STK3: variants seen among roughly 807,000 people sequenced by gnomAD.
STK3 encodes the protein serine/threonine-protein kinase 3.
STK3 carries 41 observed loss-of-function variants against 58.0 expected under a neutral mutation model. The observed-to-expected ratio is 0.71, with a 90% confidence interval of 0.55 to 0.92. The LOEUF is 0.92. STK3 is among the 40% of genes least tolerant of loss of function. The pLI is 0.00. For synonymous variants in STK3, 170 were observed against 191.0 expected (o/e 0.89, Z 0.91); for missense variants, 479 against 602.7 (o/e 0.79, Z 2.15).
intron 6 of STK3, among the ~76,000 whole-genome samples, chr8:98,603,025 G>T (rs985074310): frequency 2.0e-5 from 3 of 152,066 alleles, no homozygotes; most frequent in Non-Finnish European, 2.9e-5. Flanking sequence ...TTGAGGAAAT[G>T]ACTAATTTCA....
intron 3 of STK3, among the ~76,000 whole-genome samples, chr8:98,755,623 A>G (rs1830240489): frequency 6.6e-6 from 1 of 152,236 alleles, no homozygotes; most frequent in African/African-American, 2.4e-5. Flanking sequence ...AGATTGGAAA[A>G]GAAAGAAATG....
intron 1 of STK3, among the ~76,000 whole-genome samples, chr8:98,916,710 T>C (rs1839359902): frequency 6.6e-6 from 1 of 152,216 alleles, no homozygotes; most frequent in African/African-American, 2.4e-5. Context: ...ATCACTGTTC[T>C]AGGCTCTGGG....
intron 3 of STK3, chr8:98,429,725 T>C: frequency 3.1e-6 from 1 of 318,818 alleles, no homozygotes; most frequent in Non-Finnish European, 6.1e-6. Flanking sequence ...TCGTGTACGC[T>C]ATTCTAGTGC....
At chr8:98,516,799 G>C (rs1034696158) in intron 10 of STK3, among the ~76,000 whole-genome samples, 1 of 152,018 alleles carries the variant, frequency 6.6e-6, no homozygotes, top group African/African-American at 2.4e-5. Flanking sequence ...GAACTCGCTA[G>C]TCGTTCCACT....
At chr8:98,650,977 T>C (rs916086907) in intron 6 of STK3, among the ~76,000 whole-genome samples, 6 of 152,248 alleles carry the variant, frequency 3.9e-5, no homozygotes, top group African/African-American at 1.4e-4. Context: ...TGAACAGCTT[T>C]GAAGACAGCA....
At position 98,863,577 on chromosome 8, in the gene STK3, TTC is replaced by T. The variant is rs1837013271; in HGVS notation, c.110+20068_110+20069del. ...TAATTAATAAAGTTGGTTATTATAT[TTC>T]TGTGTGGTTGATTAAAAAATAATAC... On this transcript the variant is annotated intron_variant, in intron 3 of 12. Transcript: ENST00000523601. Among the ~76,000 whole-genome samples, 3 of 152,200 alleles carry T rather than the reference TTC, an allele frequency of 2.0e-5. No homozygotes were observed. In the South Asian group the frequency reaches 6.2e-4, roughly 32 times the overall value.
At chr8:98,612,412 T>C (rs756292303) in intron 6 of STK3, among the ~76,000 whole-genome samples, 1 of 149,254 alleles carries the variant, frequency 6.7e-6, no homozygotes, top group African/African-American at 2.5e-5. Context: ...CACACACACA[T>C]ATGAATTCTA....
intron 3 of STK3, among the ~76,000 whole-genome samples, chr8:98,415,021 A>G (rs1331851195): frequency 6.6e-6 from 1 of 152,200 alleles, no homozygotes; most frequent in Admixed American, 6.5e-5. Flanking sequence ...ACAGGTGGGG[A>G]CTTTAGGAGG....
chr8:98,520,343 A>G (rs188159136), intron 10 of STK3, among the ~76,000 whole-genome samples: 31 of 152,282 alleles, frequency 2.0e-4, no homozygotes, highest in African/African-American at 7.5e-4. Context: ...ACATTCAGGA[A>G]CATAACATAA....
chr8:98,760,352 C>T (rs763074048), intron 3 of STK3, among the ~76,000 whole-genome samples: 1 of 152,114 alleles, frequency 6.6e-6, no homozygotes, highest in Non-Finnish European at 1.5e-5. Context: ...GTTATCCAGG[C>T]TGCTCTCAAA....
At chr8:98,527,809 C>T (rs1203887390) in intron 9 of STK3, among the ~76,000 whole-genome samples, 1 of 152,104 alleles carries the variant, frequency 6.6e-6, no homozygotes, top group African/African-American at 2.4e-5. Context: ...CTTCTCTAGC[C>T]CAGACTTTGC....
At chr8:98,793,612 T>C (rs778317732) in intron 1 of STK3, among the ~76,000 whole-genome samples, 4 of 152,164 alleles carry the variant, frequency 2.6e-5, no homozygotes, top group Non-Finnish European at 5.9e-5. Context: ...AACAGCCCAC[T>C]GACTAATGCA....
intron 1 of STK3, among the ~76,000 whole-genome samples, chr8:98,915,501 G>C (rs996706042): frequency 7.4e-6 from 1 of 135,934 alleles, no homozygotes; most frequent in African/African-American, 2.9e-5. Flanking sequence ...CTAATACAAT[G>C]GTTTTGAAGA....
At position 98,734,495 on chromosome 8, in the gene STK3, T is replaced by G. The variant is rs149247502; in HGVS notation, c.351+14781A>C. 1.7e-3 allele frequency among the ~76,000 whole-genome samples: 260 copies of G among 152,300 alleles called. 1 individual carries two copies. The highest frequency in any genetic ancestry group is 5.9e-3 in the African/African-American group (247 of 41,568). On this transcript the variant is annotated intron_variant, in intron 4 of 10. Transcript: ENST00000419617. ...AATGGGAAAGAATAACCTTAGGCAT[T>G]TTCTTAGAATGTTTTTAAGTATACA...
chr8:98,522,422 C>T (rs1825435369), intron 10 of STK3, among the ~76,000 whole-genome samples: 1 of 152,122 alleles, frequency 6.6e-6, no homozygotes, highest in African/African-American at 2.4e-5. Flanking sequence ...CTGTTCCTTC[C>T]ATCATGAGGT....
chr8:98,585,397 G>C (rs1814441125), intron 7 of STK3, among the ~76,000 whole-genome samples: 1 of 151,966 alleles, frequency 6.6e-6, no homozygotes, highest in Admixed American at 6.6e-5. Flanking sequence ...TCAAAGATCA[G>C]ATAGTTGTAG....
intron 9 of STK3, among the ~76,000 whole-genome samples, chr8:98,543,796 C>A (rs1172006283): frequency 2.0e-5 from 3 of 152,020 alleles, no homozygotes; most frequent in Non-Finnish European, 4.4e-5. Context: ...GTTGAGGGCC[C>A]AAATGGGGGA....
chr8:98,503,331 T>C (rs763942432), intron 10 of STK3, among the ~76,000 whole-genome samples: 78 of 152,190 alleles, frequency 5.1e-4, no homozygotes, highest in South Asian at 2.1e-4. Flanking sequence ...GTCTATTTTA[T>C]TGATCTTTTC....
At chr8:98,742,685 C>T (rs1169822450) in intron 4 of STK3, among the ~76,000 whole-genome samples, 1 of 149,898 alleles carries the variant, frequency 6.7e-6, no homozygotes, top group Non-Finnish European at 1.5e-5. Context: ...ACAGGGATGC[C>T]CTCTCACCAC....
Sources: gnomAD v4.1 joint callset for allele counts (sites outside exome capture counted in the v4.1 genomes callset) on GRCh38, gnomAD v4.1.1 for gene constraint, MANE v1.5 for transcripts, NCBI Gene and HGNC (gene_info 2026-07-23, HGNC 2026-07-21) for gene names.